The following SLC2A14 variants were observed in gnomAD, a reference collection of about 807,000 sequenced individuals.
SLC2A14 encodes solute carrier family 2, facilitated glucose transporter member 14.
A neutral mutation model predicts 43.0 loss-of-function variants in SLC2A14; 13 were observed. The observed-to-expected ratio is 0.30, with a 90% confidence interval of 0.20 to 0.48. SLC2A14 has a LOEUF of 0.48. Ranked by LOEUF, SLC2A14 falls within the 20% of genes least tolerant of loss-of-function variation. The pLI is 0.99. For missense variants in SLC2A14, 428 were observed against 620.4 expected, an observed-to-expected ratio of 0.69 and a Z score of 3.29; for synonymous variants, 190 against 233.8, an observed-to-expected ratio of 0.81 and a Z score of 1.71.
At chr12:7,884,756 G>GC (rs774909803) in intron 1 of SLC2A14, among the ~76,000 whole-genome samples, 2 of 152,138 alleles carry the variant, frequency 1.3e-5, no homozygotes, top group African/African-American at 2.4e-5. Context: ...CTGTTCCAGA[G>GC]CAAGGTTCTA....
rs1486694308 is a variant in SLC2A14 at position 7,831,753 on chromosome 12, T to A, written c.123A>T (p.Glu41Asp). The A allele has an allele frequency of 1.1e-5, 18 of 1,614,126 alleles. No homozygotes were observed. The highest frequency in any genetic ancestry group is 1.4e-5 in the Non-Finnish European group (17 of 1,180,058). Residue 41 changes from glutamate (E) to aspartate (D), a missense_variant, in exon 4 of 11, where the codon GAA becomes GAT. Transcript: ENST00000431042. ...VINAPETIIK[E>D]FINKTLTDKA... ...TGTCCGTCAAAGTTTTATTGATAAA[T>A]TCCTTTATGATCTGCAAAATAAAAG...
In SLC2A14 at chr12:7,871,302, T is replaced by TA. The variant is rs774001541; in HGVS notation, c.-57-1366dup. 160 of 1,109,332 alleles carry TA rather than the reference T, an allele frequency of 1.4e-4. 1 individual carries two copies. The Admixed American group carries it at 3.0e-3, about 21-fold the overall frequency. The allele number at this position is 1,109,332 out of a possible 1,614,324, so 68.7% of individuals were successfully genotyped here. Reference sequence around the variant, plus strand: ...AGATGTACTGGGAGGCACCCATTGATAAAAAAAGACAAGTTCAACTAGGTG... The same window carrying TA: ...AGATGTACTGGGAGGCACCCATTGATAAAAAAAAGACAAGTTCAACTAGGTG... On this transcript the variant is annotated intron_variant, in intron 1 of 10. Coordinates refer to ENST00000431042, the MANE Select transcript of SLC2A14 (RefSeq NM_001286234.2).
chr12:7,815,887 TTTTTG>T (rs1326143392), intron 10 of SLC2A14, among the ~76,000 whole-genome samples: 25 of 148,872 alleles, frequency 1.7e-4, no homozygotes, highest in African/African-American at 2.2e-4. Context: ...GTTTTGTTTT[TTTTTG>T]TTTTTTTGTT....
chr12:7,875,830 G>T (rs1945454537), upstream of SLC2A14, among the ~76,000 whole-genome samples: 1 of 152,062 alleles, frequency 6.6e-6, no homozygotes, highest in Non-Finnish European at 1.5e-5. Flanking sequence ...CAAAAAATTA[G>T]CCGGGTGCAG....
chr12:7,824,213 G>A, intron 7 of SLC2A14, among the ~76,000 whole-genome samples: 1 of 151,830 alleles, frequency 6.6e-6, no homozygotes, highest in Admixed American at 6.6e-5. Context: ...CCGAGATCGA[G>A]CCACTGCACT....
At chr12:7,855,945 C>T (rs1291176207) in intron 2 of SLC2A14, among the ~76,000 whole-genome samples, 1 of 151,906 alleles carries the variant, frequency 6.6e-6, no homozygotes, top group African/African-American at 2.4e-5. Context: ...TACAAAAGCT[C>T]CCTCTCAATG....
Position 7,822,305 on chromosome 12 carries a change from T to C in SLC2A14, c.865-980A>G, listed in dbSNP as rs757437018. ...TCTCAATTTTAGCTACTAATGTCCA[T>C]TGTTGCTTCTAACTATGCTTATTCC... On this transcript the variant is annotated intron_variant, in intron 7 of 10. Coordinates refer to ENST00000431042, the MANE Select transcript of SLC2A14 (RefSeq NM_001286234.2). Among the ~76,000 whole-genome samples the C allele has an allele frequency of 5.3e-5, 8 of 152,112 alleles. No homozygotes were observed. The East Asian group carries it at 1.6e-3, about 30-fold the overall frequency.
intron 6 of SLC2A14, 60 bp downstream of exon 6, chr12:7,828,644 T>G (rs1864711262): frequency 1.3e-6 from 2 of 1,560,682 alleles, no homozygotes; most frequent in Middle Eastern, 1.7e-4. Flanking sequence ...TCCAGTACCC[T>G]CACCCTTAAA....
At chr12:7,881,355 C>CG (rs1186013327) in intron 1 of SLC2A14, among the ~76,000 whole-genome samples, 3 of 151,826 alleles carry the variant, frequency 2.0e-5, no homozygotes, top group African/African-American at 7.2e-5. Context: ...TTGGGCTCGG[C>CG]GGGCCCCGCA....
chr12:7,882,436 G>C (rs12578514), intron 1 of SLC2A14, among the ~76,000 whole-genome samples: 1 of 152,100 alleles, frequency 6.6e-6, no homozygotes, highest in African/African-American at 2.4e-5. Flanking sequence ...CTTCATTCTT[G>C]AAGTCAGTGA....
At chr12:7,882,562 G>A (rs1792401674) in intron 1 of SLC2A14, among the ~76,000 whole-genome samples, 1 of 152,104 alleles carries the variant, frequency 6.6e-6, no homozygotes. Flanking sequence ...AGCGTCGGCA[G>A]TGGCTCACAC....
chr12:7,859,118 ATGG>A (rs1944405592), intron 2 of SLC2A14, among the ~76,000 whole-genome samples: 1 of 152,068 alleles, frequency 6.6e-6, no homozygotes, highest in South Asian at 2.1e-4. Flanking sequence ...GCTGGGCGTG[ATGG>A]CTGGTGCCTG....
rs778695574 is a variant in SLC2A14, at chr12:7,831,618, A to G, written c.258T>C (p.Val86=). ...MIGSFSVGLF[V]NRFGRRNSML... is the part of the protein sequence containing the mutation. Reference sequence around the variant, plus strand: ...CTAGTCAATACCTGCCAAAGCGGTTAACAAAGAGTCCGACGGAAAAGGAGC... The same window carrying G: ...CTAGTCAATACCTGCCAAAGCGGTTGACAAAGAGTCCGACGGAAAAGGAGC... Residue 86 remains valine, a synonymous_variant, in exon 4 of 11, where the codon GTT becomes GTC. Transcript: ENST00000431042. 5.0e-6 allele frequency: 8 copies of G among 1,614,176 alleles called. No individual in the cohort carries two copies. Among genetic ancestry groups the G allele is most frequent in the East Asian group, 2.2e-5 (1 of 44,886 alleles).
intron 1 of SLC2A14, among the ~76,000 whole-genome samples, chr12:7,889,828 G>A (rs763491411): frequency 6.6e-5 from 10 of 152,186 alleles, no homozygotes; most frequent in South Asian, 4.1e-4. Flanking sequence ...GAGCCTGGTC[G>A]TCTGGTTGCC....
chr12:7,852,823 G>GA (rs998610859), intron 2 of SLC2A14, among the ~76,000 whole-genome samples: 4 of 152,094 alleles, frequency 2.6e-5, no homozygotes, highest in Non-Finnish European at 5.9e-5. Context: ...GCAAAAGGCT[G>GA]AAATACCTCA....
upstream of SLC2A14, among the ~76,000 whole-genome samples, chr12:7,875,593 G>A (rs11056255): frequency 0.85 from 129,545 of 151,928 alleles, 55,534 homozygotes; most frequent in South Asian, 0.96. Context: ...CTAAACCCCA[G>A]TGTGATGGTA....
At chr12:7,877,010 T>C (rs1945475170), upstream of SLC2A14, among the ~76,000 whole-genome samples, 2 of 151,088 alleles carry the variant, frequency 1.3e-5, no homozygotes, top group Admixed American at 1.3e-4. Context: ...TTTTTCTTTT[T>C]TTTTTTTTTT....
chr12:7,856,077 A>C (rs1297953742), intron 2 of SLC2A14: 2 of 152,124 alleles, frequency 1.3e-5, no homozygotes, highest in African/African-American at 4.8e-5. Flanking sequence ...ATTCTGACTA[A>C]GTTGATTACA....
chr12:7,888,797 C>A (rs79772623), intron 1 of SLC2A14, among the ~76,000 whole-genome samples: 68 of 104,304 alleles, frequency 6.5e-4, no homozygotes, highest in East Asian at 1.1e-3. Context: ...GACTCCGTCT[C>A]AAAAAAAAAA....
Sources: gnomAD v4.1 joint callset for allele counts (sites outside exome capture counted in the v4.1 genomes callset) on GRCh38, gnomAD v4.1.1 for gene constraint, MANE v1.5 for transcripts, NCBI Gene and HGNC (gene_info 2026-07-23, HGNC 2026-07-21) for gene names.